Variants in ST6GALNAC3 observed in about 807,000 individuals in gnomAD.
ST6GALNAC3 encodes alpha-N-acetylgalactosaminide alpha-2,6-sialyltransferase 3.
A neutral mutation model predicts 32.7 loss-of-function variants in ST6GALNAC3; 25 were observed. The ratio of observed to expected loss-of-function variants is 0.76; its 90% CI spans 0.56 to 1.07. The LOEUF is 1.07. ST6GALNAC3 is among the 50% of genes least tolerant of loss of function. ST6GALNAC3 has a pLI of 0.00. For missense variants in ST6GALNAC3, 355 were observed against 382.4 expected (o/e 0.93, Z 0.60); for synonymous variants, 129 against 133.1 (o/e 0.97, Z 0.21).
chr1:76,534,663 G>T lies in ST6GALNAC3; in HGVS notation c.624-92789G>T, dbSNP rs943631666. 2.6e-5 allele frequency among the ~76,000 whole-genome samples: 4 copies of T among 152,242 alleles called. No individual in the cohort carries two copies. In the South Asian group the frequency reaches 6.2e-4, roughly 24 times the overall value. ...CTGTAGATGTTCTTTGGAGCTCTGT[G>T]CATAATTGATATTCAATAAATCATT... On this transcript the variant is annotated intron_variant, in intron 3 of 4. Coordinates refer to ENST00000328299, the MANE Select transcript of ST6GALNAC3 (RefSeq NM_152996.4).
chr1:76,365,719 T>C (rs1650311332), intron 2 of ST6GALNAC3, among the ~76,000 whole-genome samples: 1 of 152,178 alleles, frequency 6.6e-6, no homozygotes, highest in African/African-American at 2.4e-5. Context: ...TAGAATTCTT[T>C]TACAATAATG....
chr1:76,558,295 A>T (rs527580632), intron 3 of ST6GALNAC3, among the ~76,000 whole-genome samples: 1 of 152,334 alleles, frequency 6.6e-6, no homozygotes, highest in South Asian at 2.1e-4. Flanking sequence ...CTGCACTCAT[A>T]CGTTCATCAC....
chr1:76,406,509 C>G (rs1379218673), intron 2 of ST6GALNAC3, among the ~76,000 whole-genome samples: 1 of 152,064 alleles, frequency 6.6e-6, no homozygotes, highest in East Asian at 1.9e-4. Flanking sequence ...ACTGAAATTT[C>G]AGCCATATTT....
chr1:76,285,990 C>T (rs975880425), intron 1 of ST6GALNAC3, among the ~76,000 whole-genome samples: 4 of 151,206 alleles, frequency 2.6e-5, no homozygotes, highest in Admixed American at 2.6e-4. Flanking sequence ...CAGATGGAGA[C>T]ACAGGAAAGA....
At chr1:76,341,992 G>A (rs2100995295) in intron 2 of ST6GALNAC3, among the ~76,000 whole-genome samples, 1 of 152,136 alleles carries the variant, frequency 6.6e-6, no homozygotes, top group East Asian at 1.9e-4. Context: ...AGTTTGCTGA[G>A]AATGATGGTT....
chr1:76,425,488 C>G (rs919655808), intron 3 of ST6GALNAC3, among the ~76,000 whole-genome samples: 7 of 151,880 alleles, frequency 4.6e-5, no homozygotes, highest in African/African-American at 1.7e-4. Flanking sequence ...ATTCCTTGAG[C>G]ACATATCCCC....
Position 76,277,948 on chromosome 1 carries a change from C to T in ST6GALNAC3, c.19-35857C>T, listed in dbSNP as rs150237268. On this transcript the variant is annotated intron_variant, in intron 1 of 4. Transcript: ENST00000328299. ...ACACAAGTCTCCTCCCACATTCTCA[C>T]GCCTAGACCTTATTCTTCAGGAATG... 6.0e-3 allele frequency among the ~76,000 whole-genome samples: 916 copies of T among 152,194 alleles called. 5 individuals carry two copies. Among genetic ancestry groups the T allele is most frequent in the South Asian group, 8.5e-3 (41 of 4,810 alleles).
intron 1 of ST6GALNAC3, among the ~76,000 whole-genome samples, chr1:76,075,935 T>C (rs1354240243): frequency 6.6e-6 from 1 of 152,226 alleles, no homozygotes; most frequent in Non-Finnish European, 1.5e-5. Flanking sequence ...TTAAGTCATC[T>C]ACTGTGTTCT....
chr1:76,636,915 A>G (rs1250426792), downstream of ST6GALNAC3: 1 of 152,222 alleles, frequency 6.6e-6, no homozygotes, highest in Non-Finnish European at 1.5e-5. Flanking sequence ...TTTAAGGACA[A>G]GAAACTTTAG....
chr1:76,257,516 G>A (rs1657987521), intron 1 of ST6GALNAC3, among the ~76,000 whole-genome samples: 1 of 152,112 alleles, frequency 6.6e-6, no homozygotes, highest in South Asian at 2.1e-4. Flanking sequence ...GGTTTGAAAA[G>A]CACTAAGTTT....
At chr1:76,343,190 T>A (rs1437385861) in intron 2 of ST6GALNAC3, among the ~76,000 whole-genome samples, 1 of 152,186 alleles carries the variant, frequency 6.6e-6, no homozygotes, top group Non-Finnish European at 1.5e-5. Context: ...TTTCTTCTAG[T>A]TGTTCTCTAT....
chr1:76,266,812 A>G (rs967055836), intron 1 of ST6GALNAC3, among the ~76,000 whole-genome samples: 2 of 152,076 alleles, frequency 1.3e-5, no homozygotes, highest in Non-Finnish European at 2.9e-5. Flanking sequence ...CTGAACTCTC[A>G]TCTCATTTGT....
At chr1:76,416,317 T>A (rs541600411) in intron 3 of ST6GALNAC3, among the ~76,000 whole-genome samples, 1 of 152,240 alleles carries the variant, frequency 6.6e-6, no homozygotes, top group South Asian at 2.1e-4. Flanking sequence ...TCCATTTAAT[T>A]TTGCTTTAAC....
In ST6GALNAC3 at chr1:76,417,969, A is replaced by G. The variant is rs557190497; in HGVS notation, c.623+5552A>G. ...AAACAATGCACATAAATCAATTTCTAAAAACATAAAATGGGACACTGATTT... is the reference window on the plus strand; with the variant it reads ...AAACAATGCACATAAATCAATTTCTGAAAACATAAAATGGGACACTGATTT... On this transcript the variant is annotated intron_variant, in intron 3 of 4. Transcript: ENST00000328299. Among the ~76,000 whole-genome samples, 16 of 152,302 alleles carry G rather than the reference A, an allele frequency of 1.1e-4. No homozygotes were observed. The South Asian group carries it at 3.1e-3, about 30-fold the overall frequency.
chr1:76,143,013 T>C, intron 1 of ST6GALNAC3: 1 of 328,086 alleles, frequency 3.0e-6, no homozygotes, highest in South Asian at 2.3e-5. Flanking sequence ...AGGGATTACT[T>C]TCTTATCACA....
chr1:76,265,275 C>A (rs767510325), intron 1 of ST6GALNAC3, among the ~76,000 whole-genome samples: 7 of 152,126 alleles, frequency 4.6e-5, no homozygotes, highest in Non-Finnish European at 7.4e-5. Flanking sequence ...CTATCCAGGT[C>A]ATCTGTAGGC....
chr1:76,163,392 A>G (rs932327915), intron 1 of ST6GALNAC3, among the ~76,000 whole-genome samples: 5 of 152,184 alleles, frequency 3.3e-5, no homozygotes, highest in African/African-American at 1.2e-4. Context: ...TCCACCTAAA[A>G]TTCTGTAGTG....
intron 3 of ST6GALNAC3, among the ~76,000 whole-genome samples, chr1:76,490,509 A>G (rs749657129): frequency 2.4e-4 from 36 of 149,916 alleles, no homozygotes; most frequent in Non-Finnish European, 4.0e-4. Flanking sequence ...TATTGTATAG[A>G]TAGTGTGTGT....
intron 1 of ST6GALNAC3, among the ~76,000 whole-genome samples, chr1:76,138,052 T>A (rs1650059158): frequency 1.3e-5 from 2 of 152,248 alleles, no homozygotes; most frequent in Admixed American, 1.3e-4. Context: ...TTTTCTTAAA[T>A]GTACACTGTG....
Sources: allele counts gnomAD v4.1 joint callset (sites outside exome capture counted in the v4.1 genomes callset), GRCh38; gene constraint gnomAD v4.1.1; transcripts MANE v1.5; gene names NCBI Gene and HGNC (gene_info 2026-07-23, HGNC 2026-07-21).